The following DPYD variants were observed in gnomAD, a reference collection of about 807,000 sequenced individuals.
DPYD encodes dihydropyrimidine dehydrogenase.
A neutral mutation model predicts 116.2 loss-of-function variants in DPYD; 109 were observed. That is an observed-to-expected ratio of 0.94 (90% confidence interval 0.80 to 1.10). The LOEUF (loss-of-function observed/expected upper bound fraction) is 1.10. Ranked by LOEUF, DPYD falls within the 50% of genes least tolerant of loss-of-function variation. DPYD has a pLI of 0.00. For synonymous variants in DPYD, 440 were observed against 432.0 expected (o/e 1.02, Z -0.23); for missense variants, 1,302 against 1,254.5 (o/e 1.04, Z -0.57).
intron 20 of DPYD, among the ~76,000 whole-genome samples, chr1:97,121,284 T>G (rs975547862): frequency 6.6e-6 from 1 of 152,104 alleles, no homozygotes; most frequent in African/African-American, 2.4e-5. Flanking sequence ...GTGGGAACTT[T>G]CCTAATCATC....
intron 18 of DPYD, among the ~76,000 whole-genome samples, chr1:97,293,509 G>A (rs1444224468): frequency 1.3e-5 from 2 of 152,280 alleles, no homozygotes; most frequent in Non-Finnish European, 2.9e-5. Context: ...TTGTTGTACT[G>A]ATTAAATAGC....
intron 19 of DPYD, among the ~76,000 whole-genome samples, chr1:97,194,605 A>G (rs1658617652): frequency 6.6e-6 from 1 of 152,026 alleles, no homozygotes; most frequent in Non-Finnish European, 1.5e-5. Flanking sequence ...CCCGGGTTCA[A>G]GCAATTCTCC....
At chr1:97,144,969 T>C (rs954795013) in intron 20 of DPYD, among the ~76,000 whole-genome samples, 3 of 152,154 alleles carry the variant, frequency 2.0e-5, no homozygotes, top group African/African-American at 7.2e-5. Flanking sequence ...AAGGAAGATA[T>C]GCAGAGATGT....
At chr1:97,192,323 A>C (rs1305313871) in intron 20 of DPYD, among the ~76,000 whole-genome samples, 1 of 151,956 alleles carries the variant, frequency 6.6e-6, no homozygotes, top group Non-Finnish European at 1.5e-5. Context: ...GCTTCCTTAA[A>C]GAATCTTTTT....
intron 8 of DPYD, among the ~76,000 whole-genome samples, chr1:97,597,184 A>C (rs1441944716): frequency 6.6e-6 from 1 of 152,162 alleles, no homozygotes; most frequent in Non-Finnish European, 1.5e-5. Flanking sequence ...GACTATTCAA[A>C]CCAACATATA....
intron 3 of DPYD, among the ~76,000 whole-genome samples, chr1:97,793,431 CT>C (rs1291694323): frequency 1.3e-5 from 2 of 152,070 alleles, no homozygotes; most frequent in Admixed American, 1.3e-4. Flanking sequence ...GGAAAACTAA[CT>C]TTGAGAACTA....
At chr1:97,131,880 T>C (rs1653370770) in intron 20 of DPYD, among the ~76,000 whole-genome samples, 1 of 152,170 alleles carries the variant, frequency 6.6e-6, no homozygotes. Flanking sequence ...TTTTTTTGTA[T>C]TTTTCACATA....
intron 3 of DPYD, among the ~76,000 whole-genome samples, chr1:97,758,724 A>T (rs1388030877): frequency 6.6e-6 from 1 of 152,178 alleles, no homozygotes. Flanking sequence ...TTCAATTTTG[A>T]GAATCAGGCA....
chr1:97,825,220 C>T (rs1205529689), intron 3 of DPYD, among the ~76,000 whole-genome samples: 2 of 152,040 alleles, frequency 1.3e-5, no homozygotes, highest in African/African-American at 2.4e-5. Context: ...TTTGTAAACT[C>T]GGATACTGAC....
At chr1:97,102,558 A>C (rs1052031012) in intron 20 of DPYD, among the ~76,000 whole-genome samples, 5 of 150,606 alleles carry the variant, frequency 3.3e-5, no homozygotes, top group Non-Finnish European at 7.4e-5. Context: ...ACTAAAGGAT[A>C]AGTTACATGT....
At chr1:97,620,704 C>T (rs893619534) in intron 8 of DPYD, among the ~76,000 whole-genome samples, 31 of 152,182 alleles carry the variant, frequency 2.0e-4, no homozygotes, top group South Asian at 1.7e-3. Flanking sequence ...AAATTCTATT[C>T]GTATATGCTC....
At chr1:97,182,281 C>G (rs1418890811) in intron 20 of DPYD, among the ~76,000 whole-genome samples, 1 of 152,144 alleles carries the variant, frequency 6.6e-6, no homozygotes, top group Non-Finnish European at 1.5e-5. Flanking sequence ...CTCCAGCATT[C>G]TACTTAAGAT....
chr1:97,140,021 CA>C (rs920709914), intron 20 of DPYD, among the ~76,000 whole-genome samples: 3 of 147,450 alleles, frequency 2.0e-5, no homozygotes, highest in African/African-American at 8.1e-5. Flanking sequence ...AGGCAACTGA[CA>C]TTTTTTTTTT....
chr1:97,345,320 T>G (rs1384824044), intron 16 of DPYD, among the ~76,000 whole-genome samples: 1 of 151,970 alleles, frequency 6.6e-6, no homozygotes, highest in Non-Finnish European at 1.5e-5. Flanking sequence ...GTGTTAAAGA[T>G]GAGATGGAAT....
chr1:97,575,979 G>A (rs1354998860), intron 10 of DPYD, among the ~76,000 whole-genome samples: 1 of 151,996 alleles, frequency 6.6e-6, no homozygotes, highest in Admixed American at 6.6e-5. Context: ...GATTTCAAGA[G>A]AAAGGTGGCC....
intron 16 of DPYD, among the ~76,000 whole-genome samples, chr1:97,318,505 G>A (rs895181963): frequency 6.6e-6 from 1 of 151,812 alleles, no homozygotes; most frequent in African/African-American, 2.4e-5. Context: ...TAATGGTAAA[G>A]GGATCAATTC....
At chr1:97,605,413 T>A (rs996282896) in intron 8 of DPYD, among the ~76,000 whole-genome samples, 7 of 152,018 alleles carry the variant, frequency 4.6e-5, no homozygotes, top group African/African-American at 1.7e-4. Flanking sequence ...TCATGAGATC[T>A]GATGGTTTTA....
intron 18 of DPYD, among the ~76,000 whole-genome samples, chr1:97,257,042 C>A (rs1663528567): frequency 6.6e-6 from 1 of 151,978 alleles, no homozygotes; most frequent in African/African-American, 2.4e-5. Context: ...TCAGAAGACT[C>A]AGTGCACTGT....
At chr1:97,674,918 G>A (rs1003998121) in intron 8 of DPYD, among the ~76,000 whole-genome samples, 9 of 152,128 alleles carry the variant, frequency 5.9e-5, no homozygotes, top group Admixed American at 1.3e-4. Context: ...AGTATACTAT[G>A]GGAAAAAGGT....
Sources: allele counts gnomAD v4.1 joint callset (sites outside exome capture counted in the v4.1 genomes callset), GRCh38; gene constraint gnomAD v4.1.1; transcripts MANE v1.5; gene names NCBI Gene and HGNC (gene_info 2026-07-23, HGNC 2026-07-21).